Variants in ARHGAP28 observed in about 807,000 individuals in gnomAD.
The protein encoded by ARHGAP28 is Rho GTPase activating protein 28.
In ARHGAP28, 56 loss-of-function variants were observed where a neutral mutation model predicts 90.7. That is an observed-to-expected ratio of 0.62 (90% confidence interval 0.50 to 0.77). The LOEUF is 0.77. ARHGAP28 is among the 30% of genes least tolerant of loss of function. The pLI is 0.00. For missense variants in ARHGAP28, 869 were observed against 900.9 expected, an observed-to-expected ratio of 0.96 and a Z score of 0.45; for synonymous variants, 308 against 323.3, an observed-to-expected ratio of 0.95 and a Z score of 0.51.
At chr18:6,881,139 T>C (rs375674152) in intron 10 of ARHGAP28, among the ~76,000 whole-genome samples, 31 of 152,310 alleles carry the variant, frequency 2.0e-4, no homozygotes, top group African/African-American at 7.0e-4. Flanking sequence ...GTTTTCAGGC[T>C]CTGGGAGCCA....
chr18:6,890,324 C>T, intron 13 of ARHGAP28, 106 bp from the exon 14 acceptor site: 1 of 786,642 alleles, frequency 1.3e-6, no homozygotes, highest in Admixed American at 2.8e-5. Context: ...ATTCCTGGCT[C>T]CAGGATACCG....
At chr18:6,894,021 C>T (rs751804634) in intron 14 of ARHGAP28, among the ~76,000 whole-genome samples, 2 of 151,908 alleles carry the variant, frequency 1.3e-5, no homozygotes, top group Non-Finnish European at 2.9e-5. Context: ...TACGTGCCAC[C>T]ACGCTCGGCT....
chr18:6,870,929 T>C (rs561203088), intron 7 of ARHGAP28, among the ~76,000 whole-genome samples, 197 bp downstream of exon 7: 25 of 152,076 alleles, frequency 1.6e-4, no homozygotes, highest in Middle Eastern at 3.4e-3. Flanking sequence ...GCCTCCCGAG[T>C]AGCTGGGACT....
intron 1 of ARHGAP28, among the ~76,000 whole-genome samples, chr18:6,793,978 A>C (rs866641642): frequency 1.1e-4 from 16 of 152,316 alleles, no homozygotes; most frequent in Middle Eastern, 6.8e-3. Context: ...ATTCATTTTC[A>C]GTCAGAAAAA....
At chr18:6,777,323 A>T (rs73941109) in intron 1 of ARHGAP28, among the ~76,000 whole-genome samples, 3,824 of 152,270 alleles carry the variant, frequency 0.025, 123 homozygotes, top group African/African-American at 0.08. Flanking sequence ...AAAGGATTAC[A>T]GTTAGGAGGG....
intron 1 of ARHGAP28, among the ~76,000 whole-genome samples, chr18:6,748,390 A>G (rs1216852137): frequency 6.6e-6 from 1 of 152,212 alleles, no homozygotes; most frequent in Non-Finnish European, 1.5e-5. Context: ...GAACAAGTAT[A>G]GGGCAAGTTC....
At chr18:6,882,363 A>G in intron 11 of ARHGAP28, 64 bp downstream of exon 11, 1 of 1,476,216 alleles carries the variant, frequency 6.8e-7, no homozygotes, top group East Asian at 2.3e-5. Context: ...AGAGCAGAAG[A>G]GAGATGCTGA....
chr18:6,809,337 C>T (rs1243920308), intron 1 of ARHGAP28, among the ~76,000 whole-genome samples: 1 of 152,112 alleles, frequency 6.6e-6, no homozygotes, highest in East Asian at 1.9e-4. Flanking sequence ...CACAAATGAC[C>T]ATATAAAGTA....
At chr18:6,910,588 T>C (rs1326588448) in intron 17 of ARHGAP28, among the ~76,000 whole-genome samples, 1 of 152,020 alleles carries the variant, frequency 6.6e-6, no homozygotes, top group Non-Finnish European at 1.5e-5. Flanking sequence ...TAAATCAGCC[T>C]CTCAGCGAGA....
intron 1 of ARHGAP28, among the ~76,000 whole-genome samples, chr18:6,753,975 T>C (rs2056089824): frequency 6.6e-6 from 1 of 152,252 alleles, no homozygotes; most frequent in South Asian, 2.1e-4. Context: ...CAGTATTACA[T>C]CAATAGCTCT....
At chr18:6,754,516 T>C (rs2056094075) in intron 1 of ARHGAP28, among the ~76,000 whole-genome samples, 1 of 152,172 alleles carries the variant, frequency 6.6e-6, no homozygotes, top group Non-Finnish European at 1.5e-5. Context: ...CTGATACTAA[T>C]TCACCGATGG....
intron 16 of ARHGAP28, among the ~76,000 whole-genome samples, chr18:6,907,278 C>T (rs1265702021): frequency 1.3e-5 from 2 of 151,982 alleles, no homozygotes; most frequent in Admixed American, 6.6e-5. Flanking sequence ...CTCCAACTGC[C>T]GTATGACCCA....
At chr18:6,808,225 T>C (rs905944936) in intron 1 of ARHGAP28, among the ~76,000 whole-genome samples, 2 of 152,228 alleles carry the variant, frequency 1.3e-5, no homozygotes, top group African/African-American at 4.8e-5. Context: ...ATCTAATGTA[T>C]TGTTAATTCT....
At chr18:6,825,401 A>T (rs180725516) in intron 2 of ARHGAP28, among the ~76,000 whole-genome samples, 6 of 152,344 alleles carry the variant, frequency 3.9e-5, no homozygotes, top group Admixed American at 3.9e-4. Flanking sequence ...AATTGTGAAG[A>T]AGAAAAATTT....
intron 2 of ARHGAP28, among the ~76,000 whole-genome samples, chr18:6,833,914 C>T (rs2056733734): frequency 6.6e-6 from 1 of 151,994 alleles, no homozygotes; most frequent in African/African-American, 2.4e-5. Flanking sequence ...TTCAGATTGC[C>T]CCACATTTTA....
chr18:6,828,321 G>C (rs1350305523), intron 2 of ARHGAP28, among the ~76,000 whole-genome samples: 1 of 152,102 alleles, frequency 6.6e-6, no homozygotes, highest in Non-Finnish European at 1.5e-5. Context: ...GCTTCGGCTC[G>C]GCATCAGAGG....
intron 16 of ARHGAP28, chr18:6,898,507 C>G: frequency 1.2e-6 from 2 of 1,614,054 alleles, no homozygotes; most frequent in Non-Finnish European, 1.7e-6. Context: ...AGAGAAGAGT[C>G]GACAGAGACC....
At chr18:6,846,457 A>G (rs1489964607) in intron 3 of ARHGAP28, among the ~76,000 whole-genome samples, 1 of 152,198 alleles carries the variant, frequency 6.6e-6, no homozygotes, top group Non-Finnish European at 1.5e-5. Context: ...TGTTGCCTGA[A>G]GGTAGACCGA....
At chr18:6,739,876 C>T (rs28675797) in intron 1 of ARHGAP28, among the ~76,000 whole-genome samples, 61,674 of 142,342 alleles carry the variant, frequency 0.43, 13,688 homozygotes, top group East Asian at 0.56. Flanking sequence ...TTTTTTGAGA[C>T]GGAGTTTCAC....
Sources: allele counts gnomAD v4.1 joint callset (sites outside exome capture counted in the v4.1 genomes callset), GRCh38; gene constraint gnomAD v4.1.1; transcripts MANE v1.5; gene names NCBI Gene and HGNC (gene_info 2026-07-23, HGNC 2026-07-21).